CLSTN2: variants seen among roughly 807,000 people sequenced by gnomAD.
CLSTN2 encodes calsyntenin 2, also known as calsyntenin-2.
CLSTN2 carries 48 observed loss-of-function variants against 101.2 expected under a neutral mutation model. That is an observed-to-expected ratio of 0.47 (90% CI 0.38 to 0.60). The LOEUF (loss-of-function observed/expected upper bound fraction) is 0.60. Ranked by LOEUF, CLSTN2 falls within the 20% of genes least tolerant of loss-of-function variation. The pLI is 0.00. For missense variants in CLSTN2, 1,160 were observed against 1,238.2 expected, an observed-to-expected ratio of 0.94 and a Z score of 0.95; for synonymous variants, 481 against 463.6, an observed-to-expected ratio of 1.04 and a Z score of -0.48.
chr3:140,534,937 G>C (rs349541), intron 9 of CLSTN2, among the ~76,000 whole-genome samples: 37,768 of 152,138 alleles, frequency 0.25, 6,468 homozygotes, highest in African/African-American at 0.47. Context: ...TCACTTCTTT[G>C]TGGTTCCAGG....
intron 10 of CLSTN2, among the ~76,000 whole-genome samples, chr3:140,550,669 A>T (rs960499850): frequency 1.3e-5 from 2 of 151,898 alleles, no homozygotes; most frequent in Non-Finnish European, 2.9e-5. Context: ...TGGGCTCAAA[A>T]GTCATGCCTT....
intron 2 of CLSTN2, among the ~76,000 whole-genome samples, chr3:140,318,261 G>C (rs969964353): frequency 6.6e-6 from 1 of 152,154 alleles, no homozygotes; most frequent in Non-Finnish European, 1.5e-5. Context: ...CCAAGGCCAT[G>C]AGACACAGGG....
intron 1 of CLSTN2, among the ~76,000 whole-genome samples, chr3:140,156,536 G>A (rs1200427203): frequency 6.6e-6 from 1 of 152,184 alleles, no homozygotes; most frequent in African/African-American, 2.4e-5. Context: ...ACTTCAGGGA[G>A]TGTAATGAGG....
chr3:140,165,277 T>G (rs2010117063), intron 1 of CLSTN2, among the ~76,000 whole-genome samples: 1 of 152,162 alleles, frequency 6.6e-6, no homozygotes, highest in African/African-American at 2.4e-5. Flanking sequence ...GATACAGGAA[T>G]ACCTACTCAT....
Position 140,412,602 on chromosome 3 carries a change from A to G in CLSTN2, c.637+7836A>G, listed in dbSNP as rs1002258712. 4.6e-5 allele frequency among the ~76,000 whole-genome samples: 7 copies of G among 152,214 alleles called. No individual in the cohort carries two copies. The East Asian group carries it at 5.8e-4, about 13-fold the overall frequency. Reference sequence around the variant, plus strand: ...GCTTCTGGTGTGGGGAAGTCCAACTAATATTCAAAATGAATGCCAAGGTAA... The same window carrying G: ...GCTTCTGGTGTGGGGAAGTCCAACTGATATTCAAAATGAATGCCAAGGTAA... On this transcript the variant is annotated intron_variant, in intron 4 of 16. Transcript: ENST00000458420.
chr3:140,238,372 G>A lies in CLSTN2; in HGVS notation c.232+62299G>A, dbSNP rs548650466. 2.6e-5 allele frequency among the ~76,000 whole-genome samples: 4 copies of A among 151,852 alleles called. No homozygotes were observed. In the South Asian group the frequency reaches 8.4e-4, roughly 32 times the overall value. On this transcript the variant is annotated intron_variant, in intron 2 of 16. Coordinates refer to ENST00000458420, the MANE Select transcript of CLSTN2 (RefSeq NM_022131.3). The stretch of plus-strand genomic sequence containing the variant: ...CTGAATTATGCATGGTTTTCAGCTA[G>A]GTAAAGTTCTCTATTTTCTATTTTA...
At chr3:140,133,295 A>G (rs2009550352) in intron 1 of CLSTN2, among the ~76,000 whole-genome samples, 1 of 152,046 alleles carries the variant, frequency 6.6e-6, no homozygotes, top group Admixed American at 6.6e-5. Flanking sequence ...CATGACCCAA[A>G]CACCTCCCAT....
chr3:140,060,139 G>T (rs2008177583), intron 1 of CLSTN2, among the ~76,000 whole-genome samples: 2 of 152,182 alleles, frequency 1.3e-5, no homozygotes, highest in Non-Finnish European at 2.9e-5. Context: ...TATAGGAAGA[G>T]TTCAATACAA....
At chr3:140,134,435 C>A (rs2009569033) in intron 1 of CLSTN2, among the ~76,000 whole-genome samples, 3 of 152,114 alleles carry the variant, frequency 2.0e-5, no homozygotes, top group African/African-American at 7.2e-5. Context: ...CAACCCCCAC[C>A]CCACCCATCT....
In CLSTN2 at chr3:140,318,228, C is replaced by T. The variant is rs2087247644; in HGVS notation, c.233-85401C>T. Among the ~76,000 whole-genome samples, 5 of 152,226 alleles carry T rather than the reference C, an allele frequency of 3.3e-5. No homozygotes were observed. In the South Asian group the frequency reaches 6.2e-4, roughly 19 times the overall value. ...TAAGCTAAGGTGCATTGGGCAAAGA[C>T]AGACGTGTGGTCCAGTGACAAGCCA... On this transcript the variant is annotated intron_variant, in intron 2 of 16. Coordinates refer to ENST00000458420, the MANE Select transcript of CLSTN2 (RefSeq NM_022131.3).
intron 8 of CLSTN2, among the ~76,000 whole-genome samples, chr3:140,480,056 C>A (rs577111367): frequency 3.3e-5 from 5 of 152,142 alleles, no homozygotes; most frequent in African/African-American, 1.2e-4. Context: ...CACCCGTTAA[C>A]TCGTCATTTA....
intron 2 of CLSTN2, among the ~76,000 whole-genome samples, chr3:140,313,183 A>G (rs980593698): frequency 4.6e-5 from 7 of 152,220 alleles, no homozygotes; most frequent in Non-Finnish European, 1.5e-5. Flanking sequence ...CATCAGTGGA[A>G]CAAATTGTTT....
rs1211879495 is a variant in CLSTN2, at chr3:140,403,749, A to G, written c.353A>G (p.Lys118Arg). 1.2e-6 allele frequency: 2 copies of G among 1,614,220 alleles called. No individual in the cohort carries two copies. Among genetic ancestry groups the G allele is most frequent in the East Asian group, 2.2e-5 (1 of 44,880 alleles). Residue 118 changes from lysine to arginine, a missense_variant, in exon 3 of 17, where the codon AAG becomes AGG. Coordinates refer to ENST00000458420, the MANE Select transcript of CLSTN2 (RefSeq NM_022131.3). ...AKSPIDCELQ[K>R]EYTFIIQAYD... Reference sequence around the variant, plus strand: ...AGCCCCATTGACTGTGAGTTGCAGAAGGAGTACACATTCATCATCCAGGCC... The same window carrying G: ...AGCCCCATTGACTGTGAGTTGCAGAGGGAGTACACATTCATCATCCAGGCC...
At chr3:140,358,026 C>G (rs945452618) in intron 2 of CLSTN2, among the ~76,000 whole-genome samples, 1 of 152,180 alleles carries the variant, frequency 6.6e-6, no homozygotes, top group Non-Finnish European at 1.5e-5. Context: ...ACTCATGTCA[C>G]ATGGGGGTTA....
rs186857007 is a variant in CLSTN2 at position 140,478,733 on chromosome 3, C to T, written c.1344+12002C>T. On this transcript the variant is annotated intron_variant, in intron 8 of 16. Transcript: ENST00000458420. Reference sequence around the variant, plus strand: ...CAACGAGTGAATCTTATGATGCATACATCATACTTCAATAAAGATTAAAAA... The same window carrying T: ...CAACGAGTGAATCTTATGATGCATATATCATACTTCAATAAAGATTAAAAA... 1.6e-3 allele frequency among the ~76,000 whole-genome samples: 237 copies of T among 144,192 alleles called. 1 individual carries two copies. Among genetic ancestry groups the T allele is most frequent in the Non-Finnish European group, 3.1e-3 (208 of 66,566 alleles). 94.6% of individuals were successfully genotyped at this position (144,192 alleles called of 152,430 possible).
At chr3:140,239,983 G>A (rs1194001358) in intron 2 of CLSTN2, among the ~76,000 whole-genome samples, 1 of 150,056 alleles carries the variant, frequency 6.7e-6, no homozygotes, top group Non-Finnish European at 1.5e-5. Flanking sequence ...AGCAAATTTT[G>A]TCTTGTAGGA....
intron 2 of CLSTN2, among the ~76,000 whole-genome samples, chr3:140,369,632 G>A (rs1374536419): frequency 6.6e-6 from 1 of 152,146 alleles, no homozygotes; most frequent in Admixed American, 6.5e-5. Flanking sequence ...TTGGCCGCAT[G>A]AGTTGGAGCT....
chr3:139,996,453 G>A (rs1017732998), intron 1 of CLSTN2, among the ~76,000 whole-genome samples: 3 of 152,052 alleles, frequency 2.0e-5, no homozygotes, highest in East Asian at 3.9e-4. Context: ...ACAGTGGCGC[G>A]ATCTCGGCTC....
chr3:140,402,790 C>T (rs964318839), intron 2 of CLSTN2, among the ~76,000 whole-genome samples: 1 of 152,192 alleles, frequency 6.6e-6, no homozygotes, highest in African/African-American at 2.4e-5. Context: ...GAGGCCCAGA[C>T]AGTCAATATC....
Sources: allele counts gnomAD v4.1 joint callset (sites outside exome capture counted in the v4.1 genomes callset), GRCh38; gene constraint gnomAD v4.1.1; transcripts MANE v1.5; gene names NCBI Gene and HGNC (gene_info 2026-07-23, HGNC 2026-07-21).